The following CD207 variants were observed in gnomAD, a reference collection of about 807,000 sequenced individuals.
CD207 encodes CD207 molecule.
Under a neutral mutation model 31.6 loss-of-function variants are expected in CD207, and 28 were observed. The ratio of observed to expected loss-of-function variants is 0.89; its 90% CI spans 0.66 to 1.21. CD207 has a LOEUF of 1.21. Among genes scored for constraint, CD207 ranks in the 50% most tolerant of loss-of-function variants. CD207 has a pLI of 0.00. For synonymous variants in CD207, 168 were observed against 153.9 expected (o/e 1.09, Z -0.68); for missense variants, 388 against 397.8 (o/e 0.98, Z 0.21).
chr2:70,831,840 G>A (rs782487386), intron 4 of CD207, 21 bp from the exon 5 acceptor site: 18 of 1,460,168 alleles, frequency 1.2e-5, no homozygotes, highest in South Asian at 9.1e-5. Context: ...GACAGGATAA[G>A]CAGAGGTGCG....
At position 70,833,914 on chromosome 2, in the gene CD207, A is replaced by G. The variant is rs2104703509; in HGVS notation, c.297T>C (p.Ser99=). The change falls in exon 3 of 6, where the codon AGT becomes AGC. Residue 99 remains serine, a synonymous_variant. Coordinates refer to ENST00000410009, the MANE Select transcript of CD207 (RefSeq NM_015717.5). ...GAACGCCAGCTGCCTCCATGCCGTCACTATTCTTTTTAATTTCAGAATCCA... is the reference window on the plus strand; with the variant it reads ...GAACGCCAGCTGCCTCCATGCCGTCGCTATTCTTTTTAATTTCAGAATCCA... ...STLDSEIKKN[S]DGMEAAGVQI... 1 of 1,596,658 alleles carries G rather than the reference A, an allele frequency of 6.3e-7. No homozygotes were observed. Among genetic ancestry groups the G allele is most frequent in the Non-Finnish European group, 8.5e-7 (1 of 1,170,368 alleles).
chr2:70,833,697 G>T lies in CD207; in HGVS notation c.514C>A (p.Arg172=). 1 of 1,613,910 alleles carries T rather than the reference G, an allele frequency of 6.2e-7. No homozygotes were observed. Among genetic ancestry groups the T allele is most frequent in the East Asian group, 2.2e-5 (1 of 44,872 alleles). ...EKASALNTKI[R]ALQGSLENMS... ...TTCTCCAAGCTGCCCTGGAGTGCCC[G>T]GATCTTTGTATTTAAAGCACTGGCT... Residue 172 remains arginine, a synonymous_variant, in exon 3 of 6, where the codon CGG becomes AGG. Coordinates refer to ENST00000410009, the MANE Select transcript of CD207 (RefSeq NM_015717.5).
chr2:70,825,565 G>T (rs568277965), downstream of CD207, among the ~76,000 whole-genome samples: 1 of 152,182 alleles, frequency 6.6e-6, no homozygotes, highest in African/African-American at 2.4e-5. Context: ...TTGAGACAGG[G>T]TCTCACTCTA....
Sources: gnomAD v4.1 joint callset for allele counts (sites outside exome capture counted in the v4.1 genomes callset) on GRCh38, gnomAD v4.1.1 for gene constraint, MANE v1.5 for transcripts, NCBI Gene and HGNC (gene_info 2026-07-23, HGNC 2026-07-21) for gene names.